Variants in PRKCH observed in about 807,000 individuals in gnomAD.
PRKCH encodes protein kinase C eta.
PRKCH carries 28 observed loss-of-function variants against 82.5 expected under a neutral mutation model. The ratio of observed to expected loss-of-function variants is 0.34; its 90% CI spans 0.25 to 0.47. The LOEUF (loss-of-function observed/expected upper bound fraction) is 0.47, where lower values mean the gene tolerates loss of function less well. PRKCH is among the 20% of genes least tolerant of loss of function. PRKCH has a pLI of 1.00. For missense variants in PRKCH, 705 were observed against 881.8 expected, an observed-to-expected ratio of 0.80 and a Z score of 2.54; for synonymous variants, 322 against 327.4, an observed-to-expected ratio of 0.98 and a Z score of 0.18.
chr14:61,540,548 G>C lies in PRKCH; in HGVS notation c.1762-7195G>C, dbSNP rs186896190. On this transcript the variant is annotated intron_variant, in intron 12 of 13. Transcript: ENST00000332981. ...TCTCAGTTTCCTAATCTTTAAATTAGGAATAATAACCACAGTTGCTTTAAG... is the reference window on the plus strand; with the variant it reads ...TCTCAGTTTCCTAATCTTTAAATTACGAATAATAACCACAGTTGCTTTAAG... Among the ~76,000 whole-genome samples the C allele has an allele frequency of 2.4e-3, 369 of 152,252 alleles. 3 individuals are homozygous for C. The highest frequency in any genetic ancestry group is 5.6e-3 in the Admixed American group (86 of 15,282).
chr14:61,533,393 A>C (rs950414380), intron 12 of PRKCH, among the ~76,000 whole-genome samples: 1 of 150,738 alleles, frequency 6.6e-6, no homozygotes, highest in Non-Finnish European at 1.5e-5. Flanking sequence ...AATGGTATAG[A>C]TGAAAACATT....
At chr14:61,493,139 C>T (rs903729352) in intron 10 of PRKCH, among the ~76,000 whole-genome samples, 1 of 152,140 alleles carries the variant, frequency 6.6e-6, no homozygotes, top group East Asian at 1.9e-4. Context: ...TAGGACTTTG[C>T]TCCATTGCCT....
intron 2 of PRKCH, among the ~76,000 whole-genome samples, chr14:61,428,258 G>A (rs1029230789): frequency 4.6e-5 from 7 of 151,894 alleles, no homozygotes; most frequent in African/African-American, 9.7e-5. Context: ...CTCACCCTCC[G>A]AAAGTGCTGG....
At chr14:61,279,948 G>C (rs2045240924) in intron 1 of PRKCH, 2 of 708,484 alleles carry the variant, frequency 2.8e-6, no homozygotes, top group Admixed American at 3.0e-5. Flanking sequence ...AGCAAGGGGG[G>C]TAATTCCCTT....
intron 12 of PRKCH, among the ~76,000 whole-genome samples, chr14:61,536,373 C>T (rs992753222): frequency 5.3e-5 from 8 of 152,216 alleles, no homozygotes; most frequent in East Asian, 3.9e-4. Context: ...TTGGACTTTG[C>T]CCCATGCTGC....
intron 1 of PRKCH, among the ~76,000 whole-genome samples, chr14:61,276,066 AC>A (rs1424243597): frequency 2.0e-5 from 3 of 152,190 alleles, no homozygotes; most frequent in Non-Finnish European, 2.9e-5. Context: ...TAGCATCAAC[AC>A]TATTAGAAAA....
intron 1 of PRKCH, among the ~76,000 whole-genome samples, chr14:61,219,429 G>T (rs1464243478): frequency 6.6e-6 from 1 of 152,164 alleles, no homozygotes; most frequent in Non-Finnish European, 1.5e-5. Flanking sequence ...CTCCTGTAAG[G>T]CTCCATCTGT....
Position 61,449,272 on chromosome 14 carries a change from C to T in PRKCH, c.702+20C>T. ...TCAAAGGTAAGAGGATAGCAGTTTG[C>T]TGATTAAATGTGCGTGTGTATTGTG... is the stretch of plus-strand genomic sequence containing the variant. On this transcript the variant is annotated intron_variant, in intron 5 of 13. Coordinates refer to ENST00000332981, the MANE Select transcript of PRKCH (RefSeq NM_006255.5). The T allele has an allele frequency of 1.9e-6, 3 of 1,590,708 alleles. No individual in the cohort carries two copies. Among genetic ancestry groups the T allele is most frequent in the Non-Finnish European group, 2.6e-6 (3 of 1,158,856 alleles).
At chr14:61,222,418 T>G (rs2044662831) in intron 1 of PRKCH, among the ~76,000 whole-genome samples, 1 of 152,224 alleles carries the variant, frequency 6.6e-6, no homozygotes, top group South Asian at 2.1e-4. Flanking sequence ...CTTTATGTTT[T>G]TAAGACAATA....
At position 61,484,055 on chromosome 14, in the gene PRKCH, A is replaced by G. The variant is rs1649262105; in HGVS notation, c.1279-1447A>G. 3.3e-5 allele frequency among the ~76,000 whole-genome samples: 5 copies of G among 152,056 alleles called. No individual in the cohort carries two copies. In the South Asian group the frequency reaches 1.0e-3, roughly 31 times the overall value. On this transcript the variant is annotated intron_variant, in intron 9 of 13. Transcript: ENST00000332981. ...GACCCTGTCTCACCCAAAAATAATG[A>G]TAGGTTCTGTGTATCTGCATCCGTT...
intron 1 of PRKCH, among the ~76,000 whole-genome samples, chr14:61,361,571 T>G (rs2046225653): frequency 6.6e-6 from 1 of 152,224 alleles, no homozygotes; most frequent in Non-Finnish European, 1.5e-5. Context: ...ATAGCCTTTA[T>G]TGTCCTCTTT....
intron 1 of PRKCH, chr14:61,326,990 T>G (rs1250681046): frequency 6.6e-6 from 3 of 454,070 alleles, no homozygotes; most frequent in Non-Finnish European, 1.3e-5. Flanking sequence ...CATCTAATGC[T>G]TAATGCAGAG....
intron 4 of PRKCH, among the ~76,000 whole-genome samples, chr14:61,447,994 T>G (rs1884306515): frequency 6.6e-6 from 1 of 152,198 alleles, no homozygotes; most frequent in South Asian, 2.1e-4. Flanking sequence ...AGAAAATCCA[T>G]GAAATCAAAT....
intron 1 of PRKCH, among the ~76,000 whole-genome samples, chr14:61,380,279 A>G (rs1379219425): frequency 6.7e-6 from 1 of 148,504 alleles, no homozygotes; most frequent in East Asian, 2.0e-4. Context: ...CTAATCTTGA[A>G]CTCCTGGACT....
At chr14:61,287,985 G>GT (rs1020241165) in intron 1 of PRKCH, among the ~76,000 whole-genome samples, 16 of 152,082 alleles carry the variant, frequency 1.1e-4, no homozygotes, top group African/African-American at 3.9e-4. Flanking sequence ...AATTTCTTAC[G>GT]TATCAGGTAA....
intron 2 of PRKCH, among the ~76,000 whole-genome samples, chr14:61,440,102 G>A (rs934556367): frequency 1.3e-5 from 2 of 152,190 alleles, no homozygotes. Flanking sequence ...GTATTGAGCT[G>A]GGTCTCAGGC....
chr14:61,239,272 C>T (rs1172507649), intron 1 of PRKCH, among the ~76,000 whole-genome samples: 1 of 152,168 alleles, frequency 6.6e-6, no homozygotes, highest in Non-Finnish European at 1.5e-5. Context: ...CTTCAGGAAG[C>T]TGATGATACT....
At chr14:61,473,562 G>A (rs1169913407) in intron 9 of PRKCH, among the ~76,000 whole-genome samples, 2 of 152,224 alleles carry the variant, frequency 1.3e-5, no homozygotes, top group East Asian at 3.8e-4. Flanking sequence ...CCATTTGGAA[G>A]CCTAAAGAGA....
chr14:61,492,976 T>C (rs981308531), intron 10 of PRKCH, among the ~76,000 whole-genome samples: 1 of 152,102 alleles, frequency 6.6e-6, no homozygotes, highest in Admixed American at 6.5e-5. Context: ...CAGAGAAGTG[T>C]GGTGAATGTG....
Sources: allele counts gnomAD v4.1 joint callset (sites outside exome capture counted in the v4.1 genomes callset), GRCh38; gene constraint gnomAD v4.1.1; transcripts MANE v1.5; gene names NCBI Gene and HGNC (gene_info 2026-07-23, HGNC 2026-07-21).